Variants in EPAS1 observed in about 807,000 individuals in gnomAD.
EPAS1 encodes endothelial PAS domain protein 1.
EPAS1 carries 23 observed loss-of-function variants against 87.9 expected under a neutral mutation model. The ratio of observed to expected loss-of-function variants is 0.26; its 90% CI spans 0.19 to 0.37. The LOEUF is 0.37. EPAS1 is among the 10% of genes least tolerant of loss of function. The probability of loss-of-function intolerance (pLI) is 1.00; values close to 1 mark genes in which losing one functional copy is unlikely to be tolerated. For missense variants in EPAS1, 1,138 were observed against 1,120.7 expected (o/e 1.02, Z -0.22); for synonymous variants, 508 against 444.3 (o/e 1.14, Z -1.80).
At chr2:46,369,969 G>A (rs762015864) in intron 7 of EPAS1, 36 bp downstream of exon 7, 3 of 1,522,562 alleles carry the variant, frequency 2.0e-6, no homozygotes, top group African/African-American at 2.7e-5. Context: ...GCTTCCTTGT[G>A]TCTGTGGTAT....
rs11678817 is a variant in EPAS1, at chr2:46,376,904, C to T, written c.1249+151C>T. The stretch of plus-strand genomic sequence containing the variant: ...GTTAATCACCTGTTAGAGGCCAGGC[C>T]CTGCTGAGCACAAAAGAACACCACA... On this transcript the variant is annotated intron_variant, in intron 9 of 15. Transcript: ENST00000263734. 0.41 allele frequency: 307,345 copies of T among 754,178 alleles called. 69,937 individuals are homozygous for T. Among genetic ancestry groups the T allele is most frequent in the Non-Finnish European group, 0.48 (216,865 of 451,312 alleles). 46.7% of individuals were successfully genotyped at this position (754,178 alleles called of 1,614,324 possible). A position where few individuals can be genotyped will look rare whatever the true frequency, so the allele number is the denominator to read the frequency against.
In EPAS1 at chr2:46,380,241, G is replaced by C. The variant is rs1027304939; in HGVS notation, c.1569G>C (p.Glu523Asp). The C allele has an allele frequency of 6.2e-7, 1 of 1,612,046 alleles. No homozygotes were observed. The highest frequency in any genetic ancestry group is 2.2e-5 in the East Asian group (1 of 44,892). Residue 523 changes from glutamate (E) to aspartate (D), a missense_variant, in exon 12 of 16, where the codon GAG (glutamate) becomes GAC (aspartate). Around this residue, in one of 4 missense-constraint regions of EPAS1, gnomAD observed 284 missense variants for 258.4 expected, o/e 1.10. Coordinates refer to ENST00000263734, the MANE Select transcript of EPAS1 (RefSeq NM_001430.5). The surrounding 1 kb of genome is among the most constrained non-coding windows in gnomAD (Gnocchi z 4.4). Reference sequence around the variant, plus strand: ...TCTCCCCTCAGACGGATTTCAATGAGCTGGACTTGGAGACACTGGCACCCT... The same window carrying C: ...TCTCCCCTCAGACGGATTTCAATGACCTGGACTTGGAGACACTGGCACCCT... ...DQCSTQTDFNELDLETLAPYI... is the reference protein window; with the variant it reads ...DQCSTQTDFNDLDLETLAPYI...
At chr2:46,384,389 A>T in intron 15 of EPAS1, 120 bp from the exon 16 acceptor site, 1 of 1,398,956 alleles carries the variant, frequency 7.1e-7, no homozygotes, top group Non-Finnish European at 1.0e-6. Context: ...GACAGACACC[A>T]CTGAAGGAGC....
Position 46,376,586 on chromosome 2 carries a change from C to T in EPAS1, c.1082C>T (p.Ser361Phe). Residue 361 changes from serine (S) to phenylalanine (F), a missense_variant, in exon 9 of 16, where the codon TCC becomes TTC. Coordinates refer to ENST00000263734, the MANE Select transcript of EPAS1 (RefSeq NM_001430.5). ...GTGTTCTCCATGGACCAGACTGAAT[C>T]CCTGTTCAAGCCCCACCTGATGGCC... ...DVVFSMDQTE[S>F]LFKPHLMAMN... The T allele has an allele frequency of 6.2e-7, 1 of 1,614,146 alleles. No homozygotes were observed. Among genetic ancestry groups the T allele is most frequent in the Non-Finnish European group, 8.5e-7 (1 of 1,180,030 alleles).
chr2:46,370,731 T>C (rs11675232), intron 7 of EPAS1, among the ~76,000 whole-genome samples: 55,549 of 152,156 alleles, frequency 0.37, 11,726 homozygotes, highest in Non-Finnish European at 0.49. Context: ...ACACTTGGCT[T>C]GTAGCTACCA....
intron 1 of EPAS1, among the ~76,000 whole-genome samples, chr2:46,321,559 G>GT (rs1290353810): frequency 6.6e-6 from 1 of 151,828 alleles, no homozygotes; most frequent in Non-Finnish European, 1.5e-5. Context: ...GTTTTGTTTT[G>GT]TTTTTGTTTT....
chr2:46,307,926 G>A (rs1264652114), intron 1 of EPAS1, among the ~76,000 whole-genome samples: 1 of 152,162 alleles, frequency 6.6e-6, no homozygotes, highest in Non-Finnish European at 1.5e-5. Flanking sequence ...CCAAAGATTA[G>A]CTAGACACTC....
chr2:46,321,326 T>A (rs1683451133), intron 1 of EPAS1, among the ~76,000 whole-genome samples: 1 of 152,236 alleles, frequency 6.6e-6, no homozygotes, highest in South Asian at 2.1e-4. Flanking sequence ...GTGTTGTGAA[T>A]CATGGTGAAC....
Position 46,385,190 on chromosome 2 carries a change from T to G in EPAS1, c.*530T>G, listed in dbSNP as rs1430571487. 3 of 9,480 alleles carry G rather than the reference T, an allele frequency of 3.2e-4. No individual in the cohort carries two copies. The highest frequency in any genetic ancestry group is 8.6e-3 in the East Asian group (1 of 116). 0.6% of individuals were successfully genotyped at this position (9,480 alleles called of 1,614,324 possible). A position where few individuals can be genotyped will look rare whatever the true frequency, so the allele number is the denominator to read the frequency against. Reference sequence around the variant, plus strand: ...TCACCATATTGTAAATTTCAGGGTTTTTTTTTTTTTGTTTAAGCTGACTCT... The same window carrying G: ...TCACCATATTGTAAATTTCAGGGTTGTTTTTTTTTTGTTTAAGCTGACTCT... On this transcript the variant is annotated 3_prime_UTR_variant, in exon 16 of 16. Coordinates refer to ENST00000263734, the MANE Select transcript of EPAS1 (RefSeq NM_001430.5).
intron 1 of EPAS1, among the ~76,000 whole-genome samples, chr2:46,305,748 T>C (rs1683099972): frequency 6.6e-6 from 1 of 152,142 alleles, no homozygotes; most frequent in African/African-American, 2.4e-5. Context: ...AACTCTCCTA[T>C]TAAAAAAACT....
At position 46,375,254 on chromosome 2, in the gene EPAS1, A is replaced by G. The variant is rs1684719872; in HGVS notation, c.887-436A>G. On this transcript the variant is annotated intron_variant, in intron 7 of 15. Transcript: ENST00000263734. The surrounding 1 kb of genome is among the most constrained non-coding windows in gnomAD (Gnocchi z 4.1). ...CTCCAGGCTGCTTAGAAGTCCCCCC[A>G]CCTGGAGTGCTTGACGGGATGGCGC... 9.3e-6 allele frequency among the ~76,000 whole-genome samples: 1 copy of G among 107,976 alleles called. No individual in the cohort carries two copies. Among genetic ancestry groups the G allele is most frequent in the African/African-American group, 3.9e-5 (1 of 25,452 alleles). 70.8% of individuals were successfully genotyped at this position (107,976 alleles called of 152,430 possible).
intron 9 of EPAS1, 60 bp from the exon 10 acceptor site, chr2:46,377,834 C>A (rs1405679336): frequency 6.4e-7 from 1 of 1,551,342 alleles, no homozygotes; most frequent in Non-Finnish European, 8.7e-7. Context: ...TGGGCCTCCT[C>A]TGCCTTGGGG....
chr2:46,320,268 G>T (rs186478279), intron 1 of EPAS1, among the ~76,000 whole-genome samples: 8 of 152,294 alleles, frequency 5.3e-5, no homozygotes, highest in Admixed American at 5.2e-4. Flanking sequence ...TGCTCCCTTA[G>T]TTGGTCATTA....
intron 14 of EPAS1, 64 bp downstream of exon 14, chr2:46,382,153 C>T: frequency 6.8e-7 from 1 of 1,476,728 alleles, no homozygotes; most frequent in Non-Finnish European, 9.3e-7. Context: ...GGCTCGGGAG[C>T]CCATCCTGGT....
intron 1 of EPAS1, among the ~76,000 whole-genome samples, chr2:46,328,220 G>A (rs925922168): frequency 1.3e-5 from 2 of 152,174 alleles, no homozygotes; most frequent in East Asian, 1.9e-4. Flanking sequence ...AGGAAATTGG[G>A]GGCACCTCCT....
chr2:46,382,558 G>A lies in EPAS1; in HGVS notation c.2421G>A (p.Gln807=), dbSNP rs2103678397. ...TCCCCCCACAGTGCTACGCCACCCA[G>A]TACCAGGACTACAGCCTGTCGTCAG... is the stretch of plus-strand genomic sequence containing the variant. ...SRFPPQCYAT[Q]YQDYSLSSAH... is the part of the protein sequence containing the mutation. The change falls in exon 15 of 16, where the codon CAG becomes CAA. Residue 807 remains glutamine (Q), a synonymous_variant. Coordinates refer to ENST00000263734, the MANE Select transcript of EPAS1 (RefSeq NM_001430.5). 6.2e-7 allele frequency: 1 copy of A among 1,614,154 alleles called. No homozygotes were observed.
chr2:46,310,747 A>C lies in EPAS1; in HGVS notation c.26+12810A>C, dbSNP rs1372246460. Among the ~76,000 whole-genome samples the C allele has an allele frequency of 3.3e-5, 5 of 152,240 alleles. No homozygotes were observed. The East Asian group carries it at 9.6e-4, about 29-fold the overall frequency. On this transcript the variant is annotated intron_variant, in intron 1 of 15. Coordinates refer to ENST00000263734, the MANE Select transcript of EPAS1 (RefSeq NM_001430.5). ...AAGTCACTGGAGAAGATTCCATTCC[A>C]GGGACCAGTAGAGGCCAGCGGGTCT...
chr2:46,379,953 C>T (rs565349428), intron 11 of EPAS1: 13 of 540,478 alleles, frequency 2.4e-5, no homozygotes, highest in East Asian at 1.0e-4. Flanking sequence ...AGGCGGGCTC[C>T]GGACAGGTGG....
chr2:46,380,371 A>G lies in EPAS1; in HGVS notation c.1699A>G (p.Met567Val). 1 of 1,614,138 alleles carries G rather than the reference A, an allele frequency of 6.2e-7. No individual in the cohort carries two copies. The change falls in exon 12 of 16, where the codon ATG becomes GTG. Residue 567 changes from methionine to valine, a missense_variant. This residue lies in a region of EPAS1 where 502 missense variants were observed against 427.1 expected (regional missense o/e 1.18). Transcript: ENST00000263734. The surrounding 1 kb of genome is among the most constrained non-coding windows in gnomAD (Gnocchi z 4.4). ...CACCCCCCAGCACTGCTTCAGTGCC[A>G]TGACAAACATCTTCCAGCCACTGGC... is the stretch of plus-strand genomic sequence containing the variant. ...QSTPQHCFSA[M>V]TNIFQPLAPV... is the part of the protein sequence containing the mutation.
Sources: allele counts gnomAD v4.1 joint callset (sites outside exome capture counted in the v4.1 genomes callset), GRCh38; gene constraint gnomAD v4.1.1; regional missense constraint gnomAD v4.1.1; non-coding constraint Gnocchi (gnomAD v3.1); transcripts MANE v1.5; gene names NCBI Gene and HGNC (gene_info 2026-07-23, HGNC 2026-07-21).